The following ENOX1 variants were observed in gnomAD, a reference collection of about 807,000 sequenced individuals.
ENOX1 encodes candidate growth-related and time keeping constitutive hydroquinone (NADH) oxidase.
In ENOX1, 42 loss-of-function variants were observed where a neutral mutation model predicts 82.5. That is an observed-to-expected ratio of 0.51 (90% CI 0.40 to 0.66). The LOEUF (loss-of-function observed/expected upper bound fraction) is 0.66, where lower values mean the gene tolerates loss of function less well. ENOX1 is among the 30% of genes least tolerant of loss of function. The probability of loss-of-function intolerance (pLI) is 0.00; values close to 1 mark genes in which losing one functional copy is unlikely to be tolerated. For missense variants in ENOX1, 608 were observed against 811.6 expected (o/e 0.75, Z 3.05); for synonymous variants, 271 against 282.2 (o/e 0.96, Z 0.40).
rs1566641081 is a variant in ENOX1 at position 43,616,134 on chromosome 13, C to CTATAGATAGA, written c.-219+51344_-219+51345insTCTATCTATA. On this transcript the variant is annotated intron_variant, in intron 2 of 16. Coordinates refer to ENST00000690772, the MANE Select transcript of ENOX1 (RefSeq NM_001347969.2). ...TATCTATAGATCTATAGATATCTATCTATCTAGATATCTATATAGATAGAT... is the reference window on the plus strand; with the variant it reads ...TATCTATAGATCTATAGATATCTATCTATAGATAGATATCTAGATATCTATATAGATAGAT... Among the ~76,000 whole-genome samples, 20 of 18,054 alleles carry CTATAGATAGA rather than the reference C, an allele frequency of 1.1e-3. 1 individual carries two copies. Among genetic ancestry groups the CTATAGATAGA allele is most frequent in the Admixed American group, 1.7e-3 (2 of 1,196 alleles). 11.8% of individuals were successfully genotyped at this position (18,054 alleles called of 152,430 possible). A position where few individuals can be genotyped will look rare whatever the true frequency, so the allele number is the denominator to read the frequency against.
At position 43,341,469 on chromosome 13, in the gene ENOX1, G is replaced by A. The variant is rs564567342; in HGVS notation, c.1036+3069C>T. Among the ~76,000 whole-genome samples, 8 of 152,246 alleles carry A rather than the reference G, an allele frequency of 5.3e-5. 1 individual carries two copies. The highest frequency in any genetic ancestry group is 1.9e-4 in the African/African-American group (8 of 41,550). ...CAGAAGGAACAGAACGTATAAAGCC[G>A]AGTGGTGGAAGGTGGTTTTGATGGG... On this transcript the variant is annotated intron_variant, in intron 9 of 16. Transcript: ENST00000690772.
intron 2 of ENOX1, among the ~76,000 whole-genome samples, chr13:43,619,799 T>A (rs772785724): frequency 6.6e-6 from 1 of 152,138 alleles, no homozygotes; most frequent in African/African-American, 2.4e-5. Flanking sequence ...TCTTTCTCTA[T>A]CTTGTGAAAT....
At chr13:43,489,027 G>A (rs2076528167) in intron 2 of ENOX1, among the ~76,000 whole-genome samples, 1 of 152,124 alleles carries the variant, frequency 6.6e-6, no homozygotes, top group South Asian at 2.1e-4. Context: ...AGTGCGTTTA[G>A]AAGAGAAAAC....
intron 3 of ENOX1, among the ~76,000 whole-genome samples, chr13:43,482,939 T>C (rs2058563119): frequency 6.6e-6 from 1 of 152,088 alleles, no homozygotes; most frequent in African/African-American, 2.4e-5. Context: ...CCTGCCTCAC[T>C]GTTCAATGGG....
At chr13:43,399,475 T>C (rs963634025) in intron 5 of ENOX1, among the ~76,000 whole-genome samples, 2 of 152,216 alleles carry the variant, frequency 1.3e-5, no homozygotes, top group African/African-American at 2.4e-5. Flanking sequence ...TCTTCTCTTT[T>C]CATTCCCTTA....
At chr13:43,257,891 C>T (rs1270171731) in intron 14 of ENOX1, among the ~76,000 whole-genome samples, 1 of 152,224 alleles carries the variant, frequency 6.6e-6, no homozygotes, top group Non-Finnish European at 1.5e-5. Context: ...CCATTTCACA[C>T]AGCACTGAAA....
At chr13:43,488,505 A>C (rs1291726244) in intron 2 of ENOX1, among the ~76,000 whole-genome samples, 1 of 152,228 alleles carries the variant, frequency 6.6e-6, no homozygotes, top group Non-Finnish European at 1.5e-5. Context: ...TATAGGAACA[A>C]CAAAGGCAGA....
rs771396644 is a variant in ENOX1, at chr13:43,360,009, A to G, written c.431T>C (p.Val144Ala). The G allele has an allele frequency of 1.4e-5, 22 of 1,614,100 alleles. No homozygotes were observed. Among genetic ancestry groups the G allele is most frequent in the Non-Finnish European group, 1.7e-5 (20 of 1,180,040 alleles). Residue 144 changes from valine to alanine, a missense_variant, in exon 7 of 17, where the codon GTG becomes GCG. By Grantham distance (64) the Val-to-Ala change is moderately conservative. Transcript: ENST00000690772. ...TRERPPGCKT[V>A]FVGGLPENAT... The stretch of plus-strand genomic sequence containing the variant: ...ATTTTCTGGTAATCCTCCGACAAAC[A>G]CGGTCTTACACCCAGGAGGTCGTTC...
chr13:43,300,335 C>T (rs1182092323), intron 11 of ENOX1, among the ~76,000 whole-genome samples: 1 of 152,002 alleles, frequency 6.6e-6, no homozygotes, highest in Non-Finnish European at 1.5e-5. Flanking sequence ...GTCTGGAATA[C>T]AGCAGACACT....
At chr13:43,529,211 A>G (rs1350857313) in intron 2 of ENOX1, among the ~76,000 whole-genome samples, 1 of 151,926 alleles carries the variant, frequency 6.6e-6, no homozygotes, top group Non-Finnish European at 1.5e-5. Context: ...GTTCCACCCA[A>G]TATGTGAATC....
chr13:43,593,693 CACACACACACACA>C (rs2153726858), intron 2 of ENOX1, among the ~76,000 whole-genome samples: 1 of 145,696 alleles, frequency 6.9e-6, no homozygotes, highest in South Asian at 2.3e-4. Context: ...CACACACACA[CACACACACACACA>C]CACACACACA....
intron 2 of ENOX1, among the ~76,000 whole-genome samples, chr13:43,615,589 T>TTTA (rs895134688): frequency 1.3e-4 from 20 of 152,146 alleles, no homozygotes; most frequent in African/African-American, 3.9e-4. Context: ...TCTTCTTAAG[T>TTTA]TTATTATTAT....
chr13:43,425,437 C>T (rs543542861), intron 3 of ENOX1, among the ~76,000 whole-genome samples: 1 of 152,308 alleles, frequency 6.6e-6, no homozygotes, highest in African/African-American at 2.4e-5. Context: ...CCACCCCTAC[C>T]GTCCCCCATT....
At chr13:43,667,249 C>A (rs1450983448) in intron 2 of ENOX1, among the ~76,000 whole-genome samples, 1 of 152,112 alleles carries the variant, frequency 6.6e-6, no homozygotes, top group Non-Finnish European at 1.5e-5. Context: ...TTCAAGTGAC[C>A]AGTCCTATTT....
At chr13:43,381,484 C>A (rs199784913) in intron 5 of ENOX1, among the ~76,000 whole-genome samples, 15 of 111,652 alleles carry the variant, frequency 1.3e-4, no homozygotes, top group East Asian at 2.8e-4. Context: ...AAAAAAAAAA[C>A]CTTAAAAAAA....
At chr13:43,369,295 TA>T (rs1005739567) in intron 5 of ENOX1, among the ~76,000 whole-genome samples, 3 of 152,188 alleles carry the variant, frequency 2.0e-5, no homozygotes, top group Non-Finnish European at 2.9e-5. Flanking sequence ...CTAAAAATTC[TA>T]AAAACCCACC....
At chr13:43,520,225 A>T (rs770668208) in intron 2 of ENOX1, among the ~76,000 whole-genome samples, 1 of 152,066 alleles carries the variant, frequency 6.6e-6, no homozygotes, top group Non-Finnish European at 1.5e-5. Flanking sequence ...CCTGGATAGT[A>T]CCCATTCTCA....
chr13:43,667,681 C>T (rs1202541286), intron 1 of ENOX1, 137 bp from the exon 2 acceptor site: 4 of 161,668 alleles, frequency 2.5e-5, no homozygotes, highest in African/African-American at 4.8e-5. Flanking sequence ...CATTTCTGGC[C>T]ACTGCAATTG....
chr13:43,312,503 G>A (rs2047261197), intron 11 of ENOX1, among the ~76,000 whole-genome samples: 1 of 152,192 alleles, frequency 6.6e-6, no homozygotes, highest in Non-Finnish European at 1.5e-5. Flanking sequence ...CATCAAGCAT[G>A]TGCCTGAGGT....
Sources: gnomAD v4.1 joint callset for allele counts (sites outside exome capture counted in the v4.1 genomes callset) on GRCh38, gnomAD v4.1.1 for gene constraint, MANE v1.5 for transcripts, NCBI Gene and HGNC (gene_info 2026-07-23, HGNC 2026-07-21) for gene names.